RIGI: variants seen among roughly 807,000 people sequenced by gnomAD.
RIGI encodes RNA sensor RIG-I, also known as antiviral innate immune response receptor RIG-I.
At chr9:32,480,274 A>G in the RIGI span, 6 of 1,612,042 alleles carry the variant, frequency 3.7e-6, no homozygotes, top group South Asian at 3.3e-5. Context: ...CTGCTCGGAC[A>G]TTGCTGAAGA....
the RIGI span, among the ~76,000 whole-genome samples, chr9:32,499,156 C>T: frequency 1.3e-5 from 2 of 151,846 alleles, no homozygotes; most frequent in African/African-American, 2.4e-5. Flanking sequence ...ATTCACTTTT[C>T]ATTCTTCGTA....
the RIGI span, chr9:32,498,463 C>A: frequency 2.4e-6 from 1 of 423,284 alleles, no homozygotes. Context: ...CCCAGCCTGT[C>A]AAAATGGCCA....
At chr9:32,499,517 G>A in the RIGI span, among the ~76,000 whole-genome samples, 3,470 of 151,926 alleles carry the variant, frequency 0.023, 120 homozygotes, top group East Asian at 0.11. Flanking sequence ...GTGCAATGGC[G>A]CAATCTCAGC....
chr9:32,480,014 AG>A, the RIGI span, among the ~76,000 whole-genome samples: 1 of 152,142 alleles, frequency 6.6e-6, no homozygotes, highest in South Asian at 2.1e-4. Context: ...TCTTCTAAAT[AG>A]GGAATGGTAT....
chr9:32,487,287 C>T, the RIGI span, among the ~76,000 whole-genome samples: 1 of 152,126 alleles, frequency 6.6e-6, no homozygotes, highest in East Asian at 1.9e-4. Context: ...TGAGGTTCAT[C>T]CATTGCTTGG....
At chr9:32,464,234 C>T in the RIGI span, among the ~76,000 whole-genome samples, 4 of 151,036 alleles carry the variant, frequency 2.6e-5, no homozygotes, top group African/African-American at 4.9e-5. Context: ...TCCTTCCTTC[C>T]GTTAAAACCC....
At chr9:32,524,916 CGCTGGAGGCTATATGATCAAACA>C in the RIGI span, among the ~76,000 whole-genome samples, 1 of 150,432 alleles carries the variant, frequency 6.6e-6, no homozygotes, top group Non-Finnish European at 1.5e-5. Flanking sequence ...CTCAGCATTC[CGCTGGAGGCTATATGATCAAACA>C]GCAAACTGTT....
chr9:32,521,556 T>C, the RIGI span, among the ~76,000 whole-genome samples: 8 of 152,304 alleles, frequency 5.3e-5, 1 homozygote, highest in African/African-American at 1.9e-4. Flanking sequence ...CAACAGCAAA[T>C]ATTTCAAGTT....
the RIGI span, among the ~76,000 whole-genome samples, chr9:32,463,823 C>A: frequency 6.6e-6 from 1 of 150,916 alleles, no homozygotes; most frequent in African/African-American, 2.4e-5. Context: ...AATGAACTTT[C>A]TTTCACCCCA....
At chr9:32,480,543 TAAAAG>T in the RIGI span, among the ~76,000 whole-genome samples, 14 of 152,236 alleles carry the variant, frequency 9.2e-5, no homozygotes, top group Admixed American at 6.5e-5. Context: ...CAAATACTGT[TAAAAG>T]AAAACTCAAT....
At chr9:32,492,415 T>C in the RIGI span, 1 of 1,614,214 alleles carries the variant, frequency 6.2e-7, no homozygotes, top group Non-Finnish European at 8.5e-7. Context: ...CACAGTTCAC[T>C]GAACTTGTTC....
At chr9:32,479,927 AAAAG>A in the RIGI span, among the ~76,000 whole-genome samples, 1 of 152,206 alleles carries the variant, frequency 6.6e-6, no homozygotes, top group South Asian at 2.1e-4. Flanking sequence ...AAATTACTAA[AAAAG>A]AACGTTAAAC....
the RIGI span, among the ~76,000 whole-genome samples, chr9:32,496,484 T>C: frequency 6.6e-6 from 1 of 152,148 alleles, no homozygotes; most frequent in Non-Finnish European, 1.5e-5. Flanking sequence ...GAAGGGCAAA[T>C]TCTCTTTTCT....
chr9:32,467,793 C>G, the RIGI span: 1 of 1,601,636 alleles, frequency 6.2e-7, no homozygotes, highest in Non-Finnish European at 8.5e-7. Flanking sequence ...TGACATTGCC[C>G]ACATACTCAT....
At chr9:32,492,586 C>T in the RIGI span, 1 of 1,605,466 alleles carries the variant, frequency 6.2e-7, no homozygotes, top group African/African-American at 1.3e-5. Flanking sequence ...CAAAAGTTTT[C>T]CCTTTATCAA....
At chr9:32,492,584 T>C in the RIGI span, 2 of 1,607,130 alleles carry the variant, frequency 1.2e-6, no homozygotes, top group East Asian at 2.2e-5. Context: ...CTCAAAAGTT[T>C]TCCCTTTATC....
chr9:32,461,349 A>G, the RIGI span, among the ~76,000 whole-genome samples: 1 of 152,246 alleles, frequency 6.6e-6, no homozygotes, highest in Non-Finnish European at 1.5e-5. Context: ...CTGAAGCCTC[A>G]TGAAGGAAGA....
At chr9:32,483,466 G>A in the RIGI span, among the ~76,000 whole-genome samples, 11 of 152,104 alleles carry the variant, frequency 7.2e-5, no homozygotes, top group Non-Finnish European at 1.6e-4. Context: ...CGGGAGGTGG[G>A]AGGAGTAAGA....
chr9:32,515,432 T>G, the RIGI span, among the ~76,000 whole-genome samples: 1 of 152,138 alleles, frequency 6.6e-6, no homozygotes, highest in Middle Eastern at 3.2e-3. Context: ...TAAACTCACA[T>G]GCAAAGTGCT....
Sources: allele counts gnomAD v4.1 joint callset (sites outside exome capture counted in the v4.1 genomes callset), GRCh38; gene constraint gnomAD v4.1.1; transcripts MANE v1.5; gene names NCBI Gene and HGNC (gene_info 2026-07-23, HGNC 2026-07-21).